KDM1A: variants seen among roughly 807,000 people sequenced by gnomAD.
KDM1A encodes lysine-specific histone demethylase 1A.
A neutral mutation model predicts 109.4 loss-of-function variants in KDM1A; 49 were observed. The ratio of observed to expected loss-of-function variants is 0.45; its 90% confidence interval spans 0.36 to 0.57. The LOEUF (loss-of-function observed/expected upper bound fraction) is 0.57. KDM1A is among the 20% of genes least tolerant of loss of function. KDM1A has a pLI of 0.00. For missense variants in KDM1A, 668 were observed against 1,116.6 expected, an observed-to-expected ratio of 0.60 and a Z score of 5.73; for synonymous variants, 380 against 415.4, an observed-to-expected ratio of 0.91 and a Z score of 1.04.
At chr1:23,064,540 G>A (rs1643107449) in intron 9 of KDM1A, among the ~76,000 whole-genome samples, 1 of 152,192 alleles carries the variant, frequency 6.6e-6, no homozygotes, top group Non-Finnish European at 1.5e-5. Flanking sequence ...CTGCTCTGCT[G>A]CTGTAGAGTT....
At chr1:23,062,865 T>G (rs1485001376) in intron 9 of KDM1A, among the ~76,000 whole-genome samples, 2 of 152,182 alleles carry the variant, frequency 1.3e-5, no homozygotes, top group Non-Finnish European at 2.9e-5. Context: ...TCCACTACCT[T>G]AAGCCTATAA....
chr1:23,083,463 G>A lies in KDM1A; in HGVS notation c.*99G>A, dbSNP rs1404111820. On this transcript the variant is annotated 3_prime_UTR_variant, in exon 21 of 21. Transcript: ENST00000400181. ...AGATCCCACTGAGAAAATCCACCCT[G>A]GCATCTGGGCTCCTGATCAGCTGAT... 5 of 1,201,352 alleles carry A rather than the reference G, an allele frequency of 4.2e-6. No individual in the cohort carries two copies. In the Admixed American group the frequency reaches 8.0e-5, roughly 19 times the overall value. 74.4% of individuals were successfully genotyped at this position (1,201,352 alleles called of 1,614,324 possible). A position where few individuals can be genotyped will look rare whatever the true frequency, so the allele number is the denominator to read the frequency against.
At chr1:23,072,342 C>T (rs1440155156) in intron 14 of KDM1A, 145 bp downstream of exon 14, 1 of 650,698 alleles carries the variant, frequency 1.5e-6, no homozygotes, top group Non-Finnish European at 2.7e-6. Flanking sequence ...TGTGTGACTA[C>T]TTTTGAGGTT....
intron 10 of KDM1A, 68 bp from the exon 11 acceptor site, chr1:23,068,471 T>G: frequency 7.7e-7 from 1 of 1,304,408 alleles, no homozygotes; most frequent in Non-Finnish European, 1.0e-6. Context: ...CTATAGAGCA[T>G]TTGTGTTTTC....
At chr1:23,025,008 T>A (rs1241985062) in intron 1 of KDM1A, among the ~76,000 whole-genome samples, 1 of 152,182 alleles carries the variant, frequency 6.6e-6, no homozygotes, top group African/African-American at 2.4e-5. Context: ...AGGAATCATC[T>A]AGGAACAAGA....
At chr1:23,052,284 T>G (rs1378422135) in intron 4 of KDM1A, among the ~76,000 whole-genome samples, 3 of 152,220 alleles carry the variant, frequency 2.0e-5, no homozygotes, top group Non-Finnish European at 4.4e-5. Context: ...AACTGCAACT[T>G]TAGGATTATT....
At chr1:23,056,072 C>T in intron 7 of KDM1A, 34 bp downstream of exon 7, 1 of 1,394,116 alleles carries the variant, frequency 7.2e-7, no homozygotes. Context: ...GAGGCTTGAC[C>T]TATTGGAAAT....
chr1:23,073,043 T>C (rs1190806456), intron 14 of KDM1A, among the ~76,000 whole-genome samples: 1 of 152,160 alleles, frequency 6.6e-6, no homozygotes, highest in Non-Finnish European at 1.5e-5. Context: ...AAGCATTCTT[T>C]TTTTTTTTTC....
intron 19 of KDM1A, 78 bp from the exon 20 acceptor site, chr1:23,082,142 C>G: frequency 1.3e-6 from 2 of 1,498,884 alleles, no homozygotes; most frequent in Non-Finnish European, 1.8e-6. Context: ...TCTCCACCCA[C>G]CACTGCTTTT....
intron 3 of KDM1A, among the ~76,000 whole-genome samples, chr1:23,046,614 A>G (rs1642511402): frequency 6.6e-6 from 1 of 152,254 alleles, no homozygotes; most frequent in Non-Finnish European, 1.5e-5. Context: ...AGGACCTGTC[A>G]TCTCACCTGC....
At chr1:23,048,647 C>T (rs1244786486) in intron 3 of KDM1A, among the ~76,000 whole-genome samples, 1 of 152,092 alleles carries the variant, frequency 6.6e-6, no homozygotes, top group Non-Finnish European at 1.5e-5. Flanking sequence ...TTTGCTTGAC[C>T]ACTTGTTAAA....
chr1:23,021,636 G>A (rs892729649), intron 1 of KDM1A, among the ~76,000 whole-genome samples: 2 of 152,200 alleles, frequency 1.3e-5, no homozygotes, highest in African/African-American at 4.8e-5. Flanking sequence ...CTGCACTTCA[G>A]CCTGGGCAAC....
intron 3 of KDM1A, among the ~76,000 whole-genome samples, chr1:23,049,672 T>A (rs190334199): frequency 6.8e-6 from 1 of 147,700 alleles, no homozygotes; most frequent in African/African-American, 2.5e-5. Flanking sequence ...GCAATAAGAG[T>A]GAAACTTCGT....
chr1:23,079,284 C>T lies in KDM1A; in HGVS notation c.2055+107C>T. On this transcript the variant is annotated intron_variant, in intron 17 of 20. Coordinates refer to ENST00000400181, the MANE Select transcript of KDM1A (RefSeq NM_001009999.3). This position sits in a 1 kb window ranked among gnomAD's most constrained non-coding sequence, Gnocchi z 5.6. ...TTGCATTTTTGGGCATTTGGCTATGCTCCCAATTGTGACATCAGGGCTGAG... is the reference window on the plus strand; with the variant it reads ...TTGCATTTTTGGGCATTTGGCTATGTTCCCAATTGTGACATCAGGGCTGAG... The T allele has an allele frequency of 8.7e-7, 1 of 1,154,590 alleles. No individual in the cohort carries two copies. Among genetic ancestry groups the T allele is most frequent in the Non-Finnish European group, 1.2e-6 (1 of 806,246 alleles). The allele number at this position is 1,154,590 out of a possible 1,614,324, so 71.5% of individuals were successfully genotyped here.
rs1460070535 is a variant in KDM1A, at chr1:23,079,771, TAACTC to T, written c.2170+108_2170+112del. ...TATATGCCTTAATTTCTCTCTTTAT[TAACTC>T]AACAAACAATTCCTGAAATACCTTC... On this transcript the variant is annotated intron_variant, in intron 18 of 20. Coordinates refer to ENST00000400181, the MANE Select transcript of KDM1A (RefSeq NM_001009999.3). The surrounding 1 kb of genome is among the most constrained non-coding windows in gnomAD (Gnocchi z 5.6). The T allele has an allele frequency of 7.7e-6, 5 of 649,514 alleles. No homozygotes were observed. The highest frequency in any genetic ancestry group is 2.1e-5 in the South Asian group (1 of 46,658). The allele number at this position is 649,514 out of a possible 1,614,324, so 40.2% of individuals were successfully genotyped here. A position where few individuals can be genotyped will look rare whatever the true frequency, so the allele number is the denominator to read the frequency against.
At chr1:23,081,408 G>A in intron 18 of KDM1A, 38 bp from the exon 19 acceptor site, 1 of 1,610,030 alleles carries the variant, frequency 6.2e-7, no homozygotes, top group Non-Finnish European at 8.5e-7. Context: ...AGGAAAGTCT[G>A]TAGGAAAACC....
intron 5 of KDM1A, among the ~76,000 whole-genome samples, chr1:23,054,278 A>G (rs747366130): frequency 4.6e-5 from 7 of 152,140 alleles, no homozygotes; most frequent in Admixed American, 2.0e-4. Context: ...TTTAAATTAG[A>G]CAGACACAGT....
chr1:23,036,123 C>T (rs1642135989), intron 2 of KDM1A, among the ~76,000 whole-genome samples: 1 of 151,938 alleles, frequency 6.6e-6, no homozygotes, highest in Admixed American at 6.6e-5. Context: ...TGGCTAATCC[C>T]AGGCTTTTCT....
intron 19 of KDM1A, chr1:23,081,814 A>G: frequency 2.1e-6 from 1 of 487,572 alleles, no homozygotes; most frequent in Non-Finnish European, 3.6e-6. Context: ...GAGTCACACC[A>G]GATCCCTGAC....
Sources: allele counts gnomAD v4.1 joint callset (sites outside exome capture counted in the v4.1 genomes callset), GRCh38; gene constraint gnomAD v4.1.1; non-coding constraint Gnocchi (gnomAD v3.1); transcripts MANE v1.5; gene names NCBI Gene and HGNC (gene_info 2026-07-23, HGNC 2026-07-21).